Variants in AKR1B10 observed in about 807,000 individuals in gnomAD.
AKR1B10 encodes aldo-keto reductase family 1 member B10.
In AKR1B10, 39 loss-of-function variants were observed where a neutral mutation model predicts 38.9. That is an observed-to-expected ratio of 1.00 (90% CI 0.78 to 1.31). The LOEUF is 1.31. Ranked by LOEUF, AKR1B10 falls within the 50% of genes most tolerant of loss-of-function variation. AKR1B10 has a pLI of 0.00. For missense variants in AKR1B10, 361 were observed against 382.6 expected, an observed-to-expected ratio of 0.94 and a Z score of 0.47; for synonymous variants, 148 against 141.2, an observed-to-expected ratio of 1.05 and a Z score of -0.34.
chr7:134,537,212 A>G (rs570220899), intron 6 of AKR1B10, 55 bp downstream of exon 6: 56 of 1,544,138 alleles, frequency 3.6e-5, no homozygotes, highest in Admixed American at 1.6e-4. Flanking sequence ...ACATTATTTT[A>G]TAATTGGTAA....
Position 134,538,915 on chromosome 7 carries a change from T to G in AKR1B10, c.826-20T>G. 6.2e-7 allele frequency: 1 copy of G among 1,613,952 alleles called. No individual in the cohort carries two copies. Among genetic ancestry groups the G allele is most frequent in the Non-Finnish European group, 8.5e-7 (1 of 1,179,924 alleles). ...TAGAATGGCCTTACTGATGATGTAT[T>G]GGAACTCCTACCTTTCCAGGTCTTT... On this transcript the variant is annotated intron_variant, in intron 8 of 9. Transcript: ENST00000359579.
chr7:134,532,124 C>G, intron 3 of AKR1B10, 100 bp downstream of exon 3: 2 of 1,391,426 alleles, frequency 1.4e-6, no homozygotes, highest in Non-Finnish European at 2.0e-6. Context: ...GGGCAGGAGG[C>G]CTTGCATTTC....
intron 4 of AKR1B10, among the ~76,000 whole-genome samples, chr7:134,536,116 C>T (rs747806157): frequency 1.6e-4 from 25 of 152,198 alleles, no homozygotes; most frequent in Non-Finnish European, 3.5e-4. Context: ...TTCCTGCAAA[C>T]CAAAGCATGC....
At position 134,538,979 on chromosome 7, in the gene AKR1B10, C is replaced by T; in HGVS notation, c.870C>T (p.Leu290=). The T allele has an allele frequency of 6.2e-7, 1 of 1,614,078 alleles. No individual in the cohort carries two copies. The highest frequency in any genetic ancestry group is 8.5e-7 in the Non-Finnish European group (1 of 1,179,990). ...GTGATGAGGAGATGGCAACCATACTCAGCTTCAACAGAAACTGGAGGGCCT... is the reference window on the plus strand; with the variant it reads ...GTGATGAGGAGATGGCAACCATACTTAGCTTCAACAGAAACTGGAGGGCCT... ...KLSDEEMATI[L]SFNRNWRACN... Residue 290 remains leucine (L), a synonymous_variant, in exon 9 of 10, where the codon CTC becomes CTT. Coordinates refer to ENST00000359579, the MANE Select transcript of AKR1B10 (RefSeq NM_020299.5).
chr7:134,536,323 AT>A (rs1446552768), intron 4 of AKR1B10, among the ~76,000 whole-genome samples: 11 of 150,676 alleles, frequency 7.3e-5, no homozygotes, highest in African/African-American at 1.2e-4. Flanking sequence ...TTTACTTTTT[AT>A]TTTTTTGCAT....
chr7:134,540,602 T>C (rs769865774), intron 9 of AKR1B10, among the ~76,000 whole-genome samples: 2 of 152,210 alleles, frequency 1.3e-5, no homozygotes, highest in African/African-American at 2.4e-5. Flanking sequence ...AGTAGGATGA[T>C]AATACTAATC....
At chr7:134,528,019 G>T in intron 1 of AKR1B10, 42 bp downstream of exon 1, 1 of 1,606,366 alleles carries the variant, frequency 6.2e-7, no homozygotes, top group Non-Finnish European at 8.5e-7. Context: ...CTCTGGAGGG[G>T]CGTTTGGGTG....
chr7:134,528,077 G>T, intron 1 of AKR1B10, 100 bp downstream of exon 1: 1 of 1,460,830 alleles, frequency 6.8e-7, no homozygotes, highest in Non-Finnish European at 9.4e-7. Context: ...TCGGGCAGGG[G>T]TTGGAGAGGT....
chr7:134,537,995 G>T, intron 7 of AKR1B10, 199 bp from the exon 8 acceptor site: 1 of 642,910 alleles, frequency 1.6e-6, no homozygotes, highest in South Asian at 1.9e-5. Context: ...AAAAAAGGAA[G>T]ATCACAGGGT....
rs577167355 is a variant in AKR1B10, at chr7:134,540,502, G to A, written c.909-545G>A. ...GGTGGGCTCTGCAGTAAATCCACCT[G>A]GCCTCAAATCCAACTTTAACACTGG... On this transcript the variant is annotated intron_variant, in intron 9 of 9. Transcript: ENST00000359579. 3.3e-5 allele frequency among the ~76,000 whole-genome samples: 5 copies of A among 152,202 alleles called. No homozygotes were observed. In the South Asian group the frequency reaches 1.0e-3, roughly 32 times the overall value.
Position 134,537,158 on chromosome 7 carries a change from G to A in AKR1B10, c.659+1G>A. 1 of 1,580,036 alleles carries A rather than the reference G, an allele frequency of 6.3e-7. No homozygotes were observed. Among genetic ancestry groups the A allele is most frequent in the South Asian group, 1.2e-5 (1 of 84,198 alleles). Reference sequence around the variant, plus strand: ...CCCTGGGCTCTCCGGATAGACCTTGGTGAGGCTTCCAAGTGGTGGGTCTTT... The same window carrying A: ...CCCTGGGCTCTCCGGATAGACCTTGATGAGGCTTCCAAGTGGTGGGTCTTT... On this transcript the variant is annotated splice_donor_variant, in intron 6 of 9. Transcript: ENST00000359579. LOFTEE classifies it high-confidence loss of function.
rs192192619 is a variant in AKR1B10, at chr7:134,535,514, C to T, written c.430-1136C>T. 1.4e-4 allele frequency: 101 copies of T among 722,316 alleles called. 1 individual carries two copies. In the African/African-American group the frequency reaches 1.8e-3, roughly 13 times the overall value. The allele number at this position is 722,316 out of a possible 1,614,324, so 44.7% of individuals were successfully genotyped here. ...TAAAGTGTTCCCTGAACATGTCGTG[C>T]TTATCCCTGCCTCTGAGCTTTGCTC... is the stretch of plus-strand genomic sequence containing the variant. On this transcript the variant is annotated intron_variant, in intron 4 of 9. Coordinates refer to ENST00000359579, the MANE Select transcript of AKR1B10 (RefSeq NM_020299.5).
intron 4 of AKR1B10, among the ~76,000 whole-genome samples, chr7:134,534,207 C>T (rs1807937813): frequency 1.3e-5 from 2 of 152,114 alleles, no homozygotes; most frequent in African/African-American, 4.8e-5. Context: ...CTGCAACGTC[C>T]CTCTACCAAG....
rs1254045478 is a variant in AKR1B10, at chr7:134,541,056, T to C, written c.918T>C (p.His306=). ...WRACNVLQSS[H]LEDYPFNAEY ...TTGTTCTTTCCTGCAGATCCTCTCATTTGGAAGACTATCCCTTCAATGCAG... is the reference window on the plus strand; with the variant it reads ...TTGTTCTTTCCTGCAGATCCTCTCACTTGGAAGACTATCCCTTCAATGCAG... The change falls in exon 10 of 10, where the codon CAT becomes CAC. Residue 306 remains histidine (H), a synonymous_variant. Transcript: ENST00000359579. 2 of 1,577,200 alleles carry C rather than the reference T, an allele frequency of 1.3e-6. No homozygotes were observed. The highest frequency in any genetic ancestry group is 1.7e-6 in the Non-Finnish European group (2 of 1,147,912).
chr7:134,530,096 A>G (rs1807808170), intron 1 of AKR1B10, among the ~76,000 whole-genome samples: 1 of 152,042 alleles, frequency 6.6e-6, no homozygotes. Flanking sequence ...AGACCCACAC[A>G]CCCAGTAAGT....
rs186933119 is a variant in AKR1B10 at position 134,539,595 on chromosome 7, C to T, written c.908+578C>T. 7.0e-4 allele frequency among the ~76,000 whole-genome samples: 106 copies of T among 152,038 alleles called. 1 individual carries two copies. Among genetic ancestry groups the T allele is most frequent in the Non-Finnish European group, 9.7e-4 (66 of 67,966 alleles). ...ATATTTGGGGGAAGAGCATTCTTGG[C>T]GGTGATAACAGCAGGTGCAAAGTCC... On this transcript the variant is annotated intron_variant, in intron 9 of 9. Coordinates refer to ENST00000359579, the MANE Select transcript of AKR1B10 (RefSeq NM_020299.5).
rs771061422 is a variant in AKR1B10, at chr7:134,539,032, G to C, written c.908+15G>C. 1 of 1,613,982 alleles carries C rather than the reference G, an allele frequency of 6.2e-7. No individual in the cohort carries two copies. The highest frequency in any genetic ancestry group is 8.5e-7 in the Non-Finnish European group (1 of 1,179,890). Reference sequence around the variant, plus strand: ...AACGTGTTGCAGTAAGTGGCATGGAGTTAACTAGAAGCATTGCCAGGAGTT... The same window carrying C: ...AACGTGTTGCAGTAAGTGGCATGGACTTAACTAGAAGCATTGCCAGGAGTT... On this transcript the variant is annotated intron_variant, in intron 9 of 9. Transcript: ENST00000359579.
intron 3 of AKR1B10, among the ~76,000 whole-genome samples, chr7:134,532,469 A>C (rs2117541254): frequency 6.6e-6 from 1 of 152,210 alleles, no homozygotes; most frequent in South Asian, 2.1e-4. Context: ...GCTGGAAGGA[A>C]GCCAGTAGTG....
In AKR1B10 at chr7:134,536,862, C is replaced by T. The variant is rs397773752; in HGVS notation, c.552+90C>T. 3.9e-5 allele frequency: 62 copies of T among 1,586,498 alleles called. No homozygotes were observed. The African/African-American group carries it at 4.2e-4, about 11-fold the overall frequency. The stretch of plus-strand genomic sequence containing the variant: ...ATGTTCAATGCTATGCCCTGAGTCT[C>T]ATCTCAGGGGTCAGTGATCAGGACA... On this transcript the variant is annotated intron_variant, in intron 5 of 9. Coordinates refer to ENST00000359579, the MANE Select transcript of AKR1B10 (RefSeq NM_020299.5).
Sources: allele counts gnomAD v4.1 joint callset (sites outside exome capture counted in the v4.1 genomes callset), GRCh38; gene constraint gnomAD v4.1.1; transcripts MANE v1.5; gene names NCBI Gene and HGNC (gene_info 2026-07-23, HGNC 2026-07-21).